Variants in NTRK1 observed in about 807,000 individuals in gnomAD.
NTRK1 encodes neurotrophic receptor tyrosine kinase 1, also known as high affinity nerve growth factor receptor.
In NTRK1, 62 loss-of-function variants were observed where a neutral mutation model predicts 86.8. The ratio of observed to expected loss-of-function variants is 0.71; its 90% CI spans 0.58 to 0.88. The LOEUF (loss-of-function observed/expected upper bound fraction) is 0.88, where lower values mean the gene tolerates loss of function less well. Among genes scored for constraint, NTRK1 ranks in the 40% least tolerant of loss-of-function variants. The pLI is 0.00. For synonymous variants in NTRK1, 469 were observed against 456.6 expected, an observed-to-expected ratio of 1.03 and a Z score of -0.35; for missense variants, 967 against 1,078.4, an observed-to-expected ratio of 0.90 and a Z score of 1.45.
chr1:156,877,576 G>A (rs946235634), intron 14 of NTRK1, among the ~76,000 whole-genome samples: 1 of 152,220 alleles, frequency 6.6e-6, no homozygotes, highest in Non-Finnish European at 1.5e-5. Flanking sequence ...GGGAGGATGG[G>A]GCAGTGTTTG....
rs1647576076 is a variant in NTRK1 at position 156,871,828 on chromosome 1, G to A, written c.850+73G>A. On this transcript the variant is annotated intron_variant, in intron 7 of 16. Transcript: ENST00000524377. ...TTCCCTCAAAAGAGGATGTAGGGTG[G>A]GGGGCTGGAAGAAAGGGTGGGATGT... The A allele has an allele frequency of 3.1e-6, 5 of 1,601,736 alleles. No homozygotes were observed. In the South Asian group the frequency reaches 3.3e-5, roughly 11 times the overall value.
Position 156,854,379 on chromosome 1 carries a change from G to A in NTRK1, c.51-9975G>A, listed in dbSNP as rs191669600. ...CCATCCAGCCCTGGCAGCTTTGGAG[G>A]GGAGCCACACTGGCAGTAGGACAAT... On this transcript the variant is annotated intron_variant, in intron 2 of 16. Coordinates refer to the NTRK1 transcript ENST00000392302. The surrounding 1 kb of genome is among the most constrained non-coding windows in gnomAD (Gnocchi z 4.2). 4.3e-6 allele frequency: 6 copies of A among 1,408,304 alleles called. No homozygotes were observed. Among genetic ancestry groups the A allele is most frequent in the Admixed American group, 2.1e-5 (1 of 48,480 alleles). The allele number at this position is 1,408,304 out of a possible 1,614,324, so 87.2% of individuals were successfully genotyped here.
At chr1:156,826,022 T>TG (rs1654307701) in intron 1 of NTRK1, among the ~76,000 whole-genome samples, 1 of 152,124 alleles carries the variant, frequency 6.6e-6, no homozygotes. Flanking sequence ...TTTTGGGATC[T>TG]CAATCACTAG....
chr1:156,867,743 G>T (rs749700792), intron 4 of NTRK1, among the ~76,000 whole-genome samples: 1 of 150,780 alleles, frequency 6.6e-6, no homozygotes, highest in African/African-American at 2.4e-5. Flanking sequence ...ATCTCATCTC[G>T]GCTCACTGCA....
intron 2 of NTRK1, chr1:156,844,405 C>T (rs1208235085): frequency 6.3e-7 from 1 of 1,586,648 alleles, no homozygotes; most frequent in Non-Finnish European, 8.6e-7. Flanking sequence ...CTGTGGTGGG[C>T]TGGGGACCAG....
intron 15 of NTRK1, among the ~76,000 whole-genome samples, 163 bp from the exon 16 acceptor site, chr1:156,879,836 C>A (rs965018274): frequency 6.6e-6 from 1 of 152,068 alleles, no homozygotes; most frequent in Non-Finnish European, 1.5e-5. Flanking sequence ...GTCTCGATCT[C>A]CTGACCTCGT....
rs775955078 is a variant in NTRK1 at position 156,841,739 on chromosome 1, C to T, written c.-63-342C>T. 3.7e-6 allele frequency: 6 copies of T among 1,614,060 alleles called. No homozygotes were observed. In the Admixed American group the frequency reaches 8.3e-5, roughly 22 times the overall value. ...CCATCCAGCGCACGGGCAGCAGCCC[C>T]TTCCCACCCTTGCGGTAATAGTCTG... On this transcript the variant is annotated intron_variant, in intron 1 of 16. Transcript: ENST00000392302.
rs548463300 is a variant in NTRK1, at chr1:156,861,293, G to A, written c.212+147G>A. 249 of 902,344 alleles carry A rather than the reference G, an allele frequency of 2.8e-4. No individual in the cohort carries two copies. The African/African-American group carries it at 6.8e-3, about 25-fold the overall frequency. 55.9% of individuals were successfully genotyped at this position (902,344 alleles called of 1,614,324 possible). ...ACGCAGCCTTCGGCGCTGCCCGGGC[G>A]TTCCTCCGCAGCCGCCGCTGCCCTA... On this transcript the variant is annotated intron_variant, in intron 1 of 16. Transcript: ENST00000524377.
intron 2 of NTRK1, chr1:156,843,091 C>G (rs1229283467): frequency 6.2e-7 from 1 of 1,614,206 alleles, no homozygotes; most frequent in Admixed American, 1.7e-5. Context: ...CATTCACCGT[C>G]TTCAGGGCCA....
intron 1 of NTRK1, among the ~76,000 whole-genome samples, chr1:156,862,442 G>A (rs141551101): frequency 3.9e-5 from 6 of 152,286 alleles, no homozygotes; most frequent in Non-Finnish European, 8.8e-5. Flanking sequence ...CAGGGCTCGT[G>A]TTTCCCAACT....
intron 1 of NTRK1, among the ~76,000 whole-genome samples, chr1:156,825,339 G>C (rs1654291829): frequency 6.6e-6 from 1 of 152,200 alleles, no homozygotes; most frequent in South Asian, 2.1e-4. Context: ...CTTTTTCTTA[G>C]TGCTAGGAAG....
chr1:156,839,409 C>A (rs564964810), intron 1 of NTRK1, among the ~76,000 whole-genome samples: 1 of 152,260 alleles, frequency 6.6e-6, no homozygotes, highest in African/African-American at 2.4e-5. Context: ...GCTGCCACCC[C>A]CTTCGTCAAG....
intron 1 of NTRK1, chr1:156,841,867 C>A (rs1320574665): frequency 1.2e-6 from 2 of 1,610,318 alleles, no homozygotes; most frequent in Non-Finnish European, 1.7e-6. Flanking sequence ...CCCTGGGATA[C>A]CTCTCCCAAT....
Position 156,864,818 on chromosome 1 carries a change from G to T in NTRK1, c.359+19G>T. 1 of 1,609,792 alleles carries T rather than the reference G, an allele frequency of 6.2e-7. No homozygotes were observed. The highest frequency in any genetic ancestry group is 1.1e-5 in the South Asian group (1 of 89,806). ...GTCGCCTGTGAGTGTGGCCAGTGCT[G>T]GGCAGTGGGAGTTGGGGAGGACACC... On this transcript the variant is annotated intron_variant, in intron 3 of 16. Coordinates refer to ENST00000524377, the MANE Select transcript of NTRK1 (RefSeq NM_002529.4).
chr1:156,869,157 C>T (rs778936203), intron 6 of NTRK1, among the ~76,000 whole-genome samples: 12 of 151,820 alleles, frequency 7.9e-5, no homozygotes, highest in Non-Finnish European at 1.3e-4. Context: ...CCGCAACCTC[C>T]GCCTCTCGGG....
chr1:156,841,332 G>T (rs1190849923), intron 1 of NTRK1: 21 of 1,512,280 alleles, frequency 1.4e-5, no homozygotes, highest in Non-Finnish European at 1.9e-5. Flanking sequence ...GAATCATGGG[G>T]CCGGGTGGGG....
intron 2 of NTRK1, among the ~76,000 whole-genome samples, chr1:156,847,064 A>G (rs1655040384): frequency 1.3e-5 from 2 of 152,218 alleles, no homozygotes; most frequent in Admixed American, 6.5e-5. Context: ...TGTGTGAAAG[A>G]GTCCCCTCTC....
At position 156,866,893 on chromosome 1, in the gene NTRK1, T is replaced by C; in HGVS notation, c.360-17T>C. On this transcript the variant is annotated splice_polypyrimidine_tract_variant and intron_variant, in intron 3 of 16. Coordinates refer to ENST00000524377, the MANE Select transcript of NTRK1 (RefSeq NM_002529.4). ...GTCACTCAAGGGGTCTGTCTTGCTG[T>C]GTCTCCACGCCCGCAGGAATCTCTC... The C allele has an allele frequency of 6.2e-7, 1 of 1,614,030 alleles. No homozygotes were observed.
rs1324522638 is a variant in NTRK1, at chr1:156,871,687, A to G, written c.782A>G (p.Lys261Arg). The G allele has an allele frequency of 2.5e-6, 4 of 1,614,092 alleles. No individual in the cohort carries two copies. The highest frequency in any genetic ancestry group is 2.2e-5 in the East Asian group (1 of 44,896). Residue 261 changes from lysine to arginine, a missense_variant, in exon 7 of 17, where the codon AAG becomes AGG. Around this residue, in one of 2 missense-constraint regions of NTRK1, gnomAD observed 637 missense variants for 776.5 expected, o/e 0.82. Transcript: ENST00000524377. ...LANVTSDLNR[K>R]NVTCWAENDV... ...AATGTCACCAGTGACCTCAACAGGA[A>G]GAACGTGACGTGCTGGGCAGAGAAC...
Sources: gnomAD v4.1 joint callset for allele counts (sites outside exome capture counted in the v4.1 genomes callset) on GRCh38, gnomAD v4.1.1 for gene constraint, gnomAD v4.1.1 regional missense constraint, Gnocchi (gnomAD v3.1) non-coding constraint, MANE v1.5 for transcripts, NCBI Gene and HGNC (gene_info 2026-07-23, HGNC 2026-07-21) for gene names.